The following DACH2 variants were observed in gnomAD, a reference collection of about 807,000 sequenced individuals.
DACH2 encodes dachshund family transcription factor 2.
A neutral mutation model predicts 35.8 loss-of-function variants in DACH2; 17 were observed. That is an observed-to-expected ratio of 0.48 (90% CI 0.33 to 0.71). The LOEUF (loss-of-function observed/expected upper bound fraction) is 0.71, where lower values mean the gene tolerates loss of function less well. Among genes scored for constraint, DACH2 ranks in the 30% least tolerant of loss-of-function variants. DACH2 has a pLI of 0.02. For synonymous variants in DACH2, 195 were observed against 177.3 expected, an observed-to-expected ratio of 1.10 and a Z score of -0.79; for missense variants, 469 against 472.7, an observed-to-expected ratio of 0.99 and a Z score of 0.07.
chrX:86,534,427 A>C (rs1479896891), intron 3 of DACH2, among the ~76,000 whole-genome samples: 2 of 112,460 alleles, frequency 1.8e-5, no homozygotes, highest in Non-Finnish European at 3.8e-5. Context: ...ATAGGGAATA[A>C]ATTAGCAAAT....
intron 7 of DACH2, among the ~76,000 whole-genome samples, chrX:86,791,459 C>T (rs2042186373): frequency 9.0e-6 from 1 of 111,484 alleles, no homozygotes; most frequent in African/African-American, 3.3e-5. Context: ...GGCTTTCTGA[C>T]CACTAGACAT....
intron 3 of DACH2, among the ~76,000 whole-genome samples, chrX:86,641,108 C>T (rs1455644862): frequency 9.0e-6 from 1 of 111,687 alleles, no homozygotes; most frequent in African/African-American, 3.3e-5. Flanking sequence ...GGCAAAACTG[C>T]CTGGAATAAC....
At chrX:86,228,469 A>G (rs2032875959) in intron 1 of DACH2, among the ~76,000 whole-genome samples, 2 of 109,349 alleles carry the variant, frequency 1.8e-5, no homozygotes, top group African/African-American at 6.6e-5. Flanking sequence ...AAAAAGAAAA[A>G]AGAAAACCCA....
chrX:86,748,690 A>C (rs1602892394), intron 7 of DACH2, among the ~76,000 whole-genome samples: 1 of 111,627 alleles, frequency 9.0e-6, no homozygotes, highest in Non-Finnish European at 1.9e-5. Flanking sequence ...TTATTTTTGT[A>C]ATGGAAAATG....
chrX:86,386,477 T>C (rs1243060059), intron 2 of DACH2, among the ~76,000 whole-genome samples: 1 of 110,772 alleles, frequency 9.0e-6, no homozygotes, highest in Non-Finnish European at 1.9e-5. Context: ...TTTAGCAGTC[T>C]TTGGAAAGCA....
chrX:86,396,020 C>T (rs2036282585), intron 2 of DACH2, among the ~76,000 whole-genome samples: 1 of 111,506 alleles, frequency 9.0e-6, no homozygotes, highest in Non-Finnish European at 1.9e-5. Context: ...TAAAAGTGTT[C>T]CTATTCGTCC....
At chrX:86,586,782 A>G (rs1175243564) in intron 3 of DACH2, among the ~76,000 whole-genome samples, 1 of 110,832 alleles carries the variant, frequency 9.0e-6, no homozygotes, top group African/African-American at 3.3e-5. Context: ...GGTCTGTGTG[A>G]CTGTTTTTGT....
At chrX:86,570,794 T>C (rs901524046) in intron 3 of DACH2, among the ~76,000 whole-genome samples, 28 of 111,054 alleles carry the variant, frequency 2.5e-4, no homozygotes, top group African/African-American at 9.1e-4. Flanking sequence ...AATTGGGTTG[T>C]TGGTTTTATA....
At chrX:86,233,221 G>A (rs1213014792) in intron 1 of DACH2, among the ~76,000 whole-genome samples, 3 of 111,160 alleles carry the variant, frequency 2.7e-5, no homozygotes, top group African/African-American at 9.8e-5. Flanking sequence ...AGAGGATCAG[G>A]AAAAATAACT....
intron 3 of DACH2, among the ~76,000 whole-genome samples, chrX:86,600,456 C>T (rs913951488): frequency 1.8e-5 from 2 of 111,900 alleles, no homozygotes; most frequent in Non-Finnish European, 3.8e-5. Context: ...TTTTCTTTCT[C>T]AGTGAATGGG....
intron 2 of DACH2, among the ~76,000 whole-genome samples, chrX:86,389,091 T>G (rs183092459): frequency 8.9e-6 from 1 of 112,030 alleles, no homozygotes; most frequent in East Asian, 2.8e-4. Context: ...AACTACTGCT[T>G]TCTTTCAAAA....
intron 11 of DACH2, among the ~76,000 whole-genome samples, chrX:86,818,505 C>A (rs1220534905): frequency 9.0e-6 from 1 of 111,156 alleles, no homozygotes; most frequent in Non-Finnish European, 1.9e-5. Flanking sequence ...TGTTGGAAAA[C>A]ATGAAATGCA....
At chrX:86,460,077 A>G (rs779436933) in intron 2 of DACH2, among the ~76,000 whole-genome samples, 26 of 111,086 alleles carry the variant, frequency 2.3e-4, no homozygotes, top group African/African-American at 7.8e-4. Context: ...ATGAAAAAGG[A>G]TCAAAAGCTG....
intron 1 of DACH2, among the ~76,000 whole-genome samples, chrX:86,328,515 C>T (rs2035155531): frequency 8.9e-6 from 1 of 111,741 alleles, no homozygotes; most frequent in Admixed American, 9.6e-5. Flanking sequence ...TATTTTTGAA[C>T]TTGTCTCTCA....
In DACH2 at chrX:86,619,572, C is replaced by G. The variant is rs765306664; in HGVS notation, c.641-31464C>G. Among the ~76,000 whole-genome samples the G allele has an allele frequency of 2.7e-5, 3 of 112,115 alleles. No individual in the cohort carries two copies. In the East Asian group the frequency reaches 8.4e-4, roughly 32 times the overall value. On this transcript the variant is annotated intron_variant, in intron 3 of 11. Transcript: ENST00000373125. Reference sequence around the variant, plus strand: ...TGTCCTATGAACTCTGTGGCATTAACAATGAACTCTTGAGATTTCTTCAAG... The same window carrying G: ...TGTCCTATGAACTCTGTGGCATTAAGAATGAACTCTTGAGATTTCTTCAAG...
chrX:86,225,240 C>T (rs1248542574), intron 1 of DACH2, among the ~76,000 whole-genome samples: 2 of 111,154 alleles, frequency 1.8e-5, no homozygotes, highest in Non-Finnish European at 3.8e-5. Flanking sequence ...GATTCATGTT[C>T]CAATACATAA....
At chrX:86,655,093 C>G (rs1320425477) in intron 4 of DACH2, among the ~76,000 whole-genome samples, 2 of 111,169 alleles carry the variant, frequency 1.8e-5, no homozygotes, top group African/African-American at 6.5e-5. Flanking sequence ...TTAGTTCCTT[C>G]CAAGAAGCGA....
chrX:86,315,103 C>T (rs768536781), intron 1 of DACH2, among the ~76,000 whole-genome samples: 10 of 112,050 alleles, frequency 8.9e-5, no homozygotes, highest in Non-Finnish European at 1.9e-4. Flanking sequence ...CAGGCTGACT[C>T]TTTTGTTAGA....
chrX:86,787,334 G>A (rs1234430655), intron 7 of DACH2, among the ~76,000 whole-genome samples: 3 of 111,825 alleles, frequency 2.7e-5, no homozygotes, highest in African/African-American at 9.7e-5. Flanking sequence ...AAATGAAACA[G>A]CACATCCAGG....
Sources: allele counts gnomAD v4.1 joint callset (sites outside exome capture counted in the v4.1 genomes callset), GRCh38; gene constraint gnomAD v4.1.1; transcripts MANE v1.5; gene names NCBI Gene and HGNC (gene_info 2026-07-23, HGNC 2026-07-21).